The following SAMD12 variants were observed in gnomAD, a reference collection of about 807,000 sequenced individuals.
SAMD12 encodes the protein sterile alpha motif domain containing 12.
In SAMD12, 9 loss-of-function variants were observed where a neutral mutation model predicts 15.0. That is an observed-to-expected ratio of 0.60 (90% CI 0.36 to 1.05). The LOEUF (loss-of-function observed/expected upper bound fraction) is 1.05. SAMD12 is among the 50% of genes least tolerant of loss of function. The pLI is 0.01. For synonymous variants in SAMD12, 86 were observed against 90.1 expected (o/e 0.96, Z 0.25); for missense variants, 230 against 234.2 (o/e 0.98, Z 0.12).
intron 3 of SAMD12, among the ~76,000 whole-genome samples, chr8:118,413,776 A>T (rs1821545771): frequency 6.6e-6 from 1 of 152,168 alleles, no homozygotes; most frequent in African/African-American, 2.4e-5. Context: ...GAAGAAGGCA[A>T]AGAAGAAGCT....
intron 3 of SAMD12, among the ~76,000 whole-genome samples, chr8:118,381,557 C>T (rs1035792863): frequency 5.9e-5 from 9 of 152,028 alleles, no homozygotes; most frequent in African/African-American, 2.2e-4. Flanking sequence ...TAATCACAAG[C>T]GTCCTTAGAA....
intron 2 of SAMD12, among the ~76,000 whole-genome samples, chr8:118,553,503 C>G (rs1354109095): frequency 6.6e-6 from 1 of 152,104 alleles, no homozygotes; most frequent in African/African-American, 2.4e-5. Context: ...AACTGGATCC[C>G]TTCCTCACAC....
chr8:118,135,392 G>A, the SAMD12 span, among the ~76,000 whole-genome samples: 24 of 152,234 alleles, frequency 1.6e-4, no homozygotes, highest in Middle Eastern at 0.01. Flanking sequence ...ATGTTGGCCA[G>A]GTTGGTCTCA....
chr8:118,163,774 C>T, the SAMD12 span, among the ~76,000 whole-genome samples: 2 of 152,140 alleles, frequency 1.3e-5, no homozygotes, highest in Non-Finnish European at 2.9e-5. Context: ...ACTCAGGAGG[C>T]TGAGGCGGGA....
At chr8:118,231,231 T>C (rs578198484) in intron 4 of SAMD12, among the ~76,000 whole-genome samples, 3 of 152,298 alleles carry the variant, frequency 2.0e-5, no homozygotes, top group African/African-American at 7.2e-5. Flanking sequence ...AGCCAGGCTT[T>C]AGATCAAAGG....
At chr8:118,170,617 A>G in the SAMD12 span, among the ~76,000 whole-genome samples, 6 of 152,228 alleles carry the variant, frequency 3.9e-5, no homozygotes, top group Non-Finnish European at 8.8e-5. Context: ...TGGAATAGTT[A>G]AACATCTATT....
intron 2 of SAMD12, among the ~76,000 whole-genome samples, chr8:118,520,675 TCTC>T (rs2131090336): frequency 6.6e-6 from 1 of 152,308 alleles, no homozygotes. Flanking sequence ...GGCTTATGTT[TCTC>T]TTCTGGGAGA....
At chr8:118,372,473 C>G (rs1819156846) in intron 4 of SAMD12, among the ~76,000 whole-genome samples, 1 of 149,804 alleles carries the variant, frequency 6.7e-6, no homozygotes, top group Admixed American at 6.7e-5. Flanking sequence ...TGTATTAAAG[C>G]CAGTCTCTAA....
At chr8:118,370,049 G>A (rs1330263001) in intron 4 of SAMD12, among the ~76,000 whole-genome samples, 1 of 151,932 alleles carries the variant, frequency 6.6e-6, no homozygotes, top group Non-Finnish European at 1.5e-5. Flanking sequence ...AATCTATAAG[G>A]AACTTAAACA....
intron 2 of SAMD12, among the ~76,000 whole-genome samples, chr8:118,550,612 T>C (rs1826297692): frequency 6.6e-6 from 1 of 152,132 alleles, no homozygotes; most frequent in Non-Finnish European, 1.5e-5. Flanking sequence ...AGGAAGAAAC[T>C]ACATCAACTA....
chr8:118,368,252 C>T (rs889054716), intron 4 of SAMD12, among the ~76,000 whole-genome samples: 2 of 152,118 alleles, frequency 1.3e-5, no homozygotes, highest in African/African-American at 4.8e-5. Context: ...TGAGAAGGGA[C>T]ACGTGATTCG....
intron 4 of SAMD12, among the ~76,000 whole-genome samples, chr8:118,260,614 C>A (rs190342761): frequency 3.3e-5 from 5 of 152,152 alleles, no homozygotes; most frequent in Admixed American, 6.6e-5. Flanking sequence ...TAATGATTAC[C>A]CTTTCCTTCT....
intron 4 of SAMD12, among the ~76,000 whole-genome samples, chr8:118,204,020 G>C (rs1819791818): frequency 2.0e-5 from 3 of 151,506 alleles, no homozygotes; most frequent in African/African-American, 7.3e-5. Flanking sequence ...CCTCGTGTAT[G>C]TACAGGAAAT....
intron 2 of SAMD12, among the ~76,000 whole-genome samples, chr8:118,467,045 G>T (rs1209210658): frequency 1.3e-5 from 2 of 152,170 alleles, no homozygotes; most frequent in East Asian, 3.8e-4. Context: ...ACTAGTAGTA[G>T]TCACAAAAGA....
At chr8:118,545,269 C>A (rs1448372612) in intron 2 of SAMD12, among the ~76,000 whole-genome samples, 1 of 152,152 alleles carries the variant, frequency 6.6e-6, no homozygotes, top group Non-Finnish European at 1.5e-5. Context: ...AAAGTGGAGA[C>A]CAGCCTGGCT....
At chr8:118,408,804 T>A (rs1212235067) in intron 3 of SAMD12, among the ~76,000 whole-genome samples, 4 of 152,212 alleles carry the variant, frequency 2.6e-5, no homozygotes, top group Admixed American at 2.6e-4. Context: ...TTGTCTTCTC[T>A]ATGTGGCCTT....
At chr8:118,533,794 T>G (rs1825757936) in intron 2 of SAMD12, among the ~76,000 whole-genome samples, 1 of 152,106 alleles carries the variant, frequency 6.6e-6, no homozygotes, top group Non-Finnish European at 1.5e-5. Flanking sequence ...TCCCTTTGCT[T>G]GGAGATCTTC....
downstream of SAMD12, among the ~76,000 whole-genome samples, chr8:118,373,280 C>G (rs1819200880): frequency 6.6e-6 from 1 of 152,152 alleles, no homozygotes; most frequent in Admixed American, 6.6e-5. Flanking sequence ...CTCTAATCCT[C>G]TTTGGGTCTT....
the SAMD12 span, among the ~76,000 whole-genome samples, chr8:118,168,106 C>T: frequency 2.6e-5 from 4 of 152,198 alleles, no homozygotes; most frequent in African/African-American, 9.6e-5. Flanking sequence ...TCTGCTTTTG[C>T]TTCCTCCTCA....
Sources: gnomAD v4.1 joint callset for allele counts (sites outside exome capture counted in the v4.1 genomes callset) on GRCh38, gnomAD v4.1.1 for gene constraint, MANE v1.5 for transcripts, NCBI Gene and HGNC (gene_info 2026-07-23, HGNC 2026-07-21) for gene names.